Variants in SLC24A2 observed in about 807,000 individuals in gnomAD.
SLC24A2 encodes solute carrier family 24 member 2, also known as sodium/potassium/calcium exchanger 2.
SLC24A2 carries 36 observed loss-of-function variants against 62.0 expected under a neutral mutation model. That is an observed-to-expected ratio of 0.58 (90% CI 0.44 to 0.77). The LOEUF (loss-of-function observed/expected upper bound fraction) is 0.77. SLC24A2 is among the 30% of genes least tolerant of loss of function. The probability of loss-of-function intolerance (pLI) is 0.00; values close to 1 mark genes in which losing one functional copy is unlikely to be tolerated. For synonymous variants in SLC24A2, 358 were observed against 294.0 expected (o/e 1.22, Z -2.23); for missense variants, 846 against 817.9 (o/e 1.03, Z -0.42).
At chr9:20,237,578 G>A in the SLC24A2 span, among the ~76,000 whole-genome samples, 1 of 152,206 alleles carries the variant, frequency 6.6e-6, no homozygotes, top group African/African-American at 2.4e-5. Flanking sequence ...GAGCACACTG[G>A]CGTGCCATCT....
chr9:20,301,580 G>A, the SLC24A2 span, among the ~76,000 whole-genome samples: 1 of 149,742 alleles, frequency 6.7e-6, no homozygotes. Context: ...AGAAATTAAA[G>A]CCTTTTTTTT....
intron 2 of SLC24A2, among the ~76,000 whole-genome samples, chr9:19,677,587 A>G (rs1351904959): frequency 1.3e-5 from 2 of 152,218 alleles, no homozygotes; most frequent in African/African-American, 4.8e-5. Context: ...TTAAAGTTAA[A>G]AAGTTTTTCA....
intron 2 of SLC24A2, among the ~76,000 whole-genome samples, chr9:19,629,890 A>C (rs539459792): frequency 6.6e-5 from 10 of 152,306 alleles, no homozygotes; most frequent in African/African-American, 2.4e-4. Context: ...GTTTTGAATA[A>C]AGAAAATTCA....
the SLC24A2 span, among the ~76,000 whole-genome samples, chr9:19,971,953 C>A: frequency 6.6e-6 from 1 of 152,228 alleles, no homozygotes; most frequent in East Asian, 1.9e-4. Flanking sequence ...ATTAAGTGAC[C>A]TTTGTCCTTT....
chr9:20,099,799 A>C, the SLC24A2 span, among the ~76,000 whole-genome samples: 1 of 152,160 alleles, frequency 6.6e-6, no homozygotes, highest in Non-Finnish European at 1.5e-5. Context: ...AATAGCTGCA[A>C]TACATAAGGC....
At chr9:19,663,692 A>T (rs1217813098) in intron 2 of SLC24A2, among the ~76,000 whole-genome samples, 1 of 152,152 alleles carries the variant, frequency 6.6e-6, no homozygotes, top group Non-Finnish European at 1.5e-5. Flanking sequence ...TTTCTCCCTC[A>T]TTAAGTGCGT....
intron 2 of SLC24A2, among the ~76,000 whole-genome samples, chr9:19,748,954 G>C (rs1157763583): frequency 6.6e-6 from 1 of 151,690 alleles, no homozygotes; most frequent in East Asian, 1.9e-4. Flanking sequence ...GTACCAGATT[G>C]TGTAAGTTCC....
the SLC24A2 span, among the ~76,000 whole-genome samples, chr9:19,951,231 T>TGC: frequency 7.6e-6 from 1 of 130,874 alleles, no homozygotes; most frequent in Non-Finnish European, 1.6e-5. Context: ...TTAAGTTGTG[T>TGC]GTGTGTGTGT....
the SLC24A2 span, among the ~76,000 whole-genome samples, chr9:19,866,428 A>G: frequency 6.6e-6 from 1 of 152,200 alleles, no homozygotes; most frequent in Non-Finnish European, 1.5e-5. Context: ...TCTTCACAAT[A>G]GTAAAGATTT....
the SLC24A2 span, chr9:19,968,098 T>G: frequency 6.6e-6 from 1 of 152,192 alleles, no homozygotes; most frequent in Non-Finnish European, 1.5e-5. Context: ...TTTATCTACC[T>G]TATAGGGTTT....
chr9:20,049,642 C>G, the SLC24A2 span, among the ~76,000 whole-genome samples: 32 of 151,722 alleles, frequency 2.1e-4, no homozygotes, highest in Admixed American at 2.0e-3. Context: ...ACAAAGATGA[C>G]AAATATGTTA....
chr9:19,528,498 T>C (rs1352159207), intron 8 of SLC24A2, among the ~76,000 whole-genome samples: 1 of 152,200 alleles, frequency 6.6e-6, no homozygotes, highest in African/African-American at 2.4e-5. Flanking sequence ...CCCTCCTCCT[T>C]TTTCTTTCTT....
At chr9:19,832,406 A>C in the SLC24A2 span, among the ~76,000 whole-genome samples, 1 of 152,212 alleles carries the variant, frequency 6.6e-6, no homozygotes, top group Admixed American at 6.5e-5. Flanking sequence ...TTAGTAACGG[A>C]TTCTGTCAAA....
At position 19,553,771 on chromosome 9, in the gene SLC24A2, C is replaced by T. The variant is rs996448725; in HGVS notation, c.1348-3503G>A. Among the ~76,000 whole-genome samples the T allele has an allele frequency of 2.6e-4, 39 of 152,224 alleles. 1 individual carries two copies. Among genetic ancestry groups the T allele is most frequent in the Admixed American group, 6.5e-5 (1 of 15,280 alleles). On this transcript the variant is annotated intron_variant, in intron 7 of 10. Transcript: ENST00000341998. ...ACTGCATTTAATTCTAGGACTCCTG[C>T]TTTCAAGGAGTCTTGGATTTAAAAG... is the stretch of plus-strand genomic sequence containing the variant.
chr9:19,910,175 A>T, the SLC24A2 span, among the ~76,000 whole-genome samples: 1 of 152,046 alleles, frequency 6.6e-6, no homozygotes, highest in Non-Finnish European at 1.5e-5. Context: ...ATGCTGCCTG[A>T]TCTTCCTCCT....
At chr9:20,093,336 T>C in the SLC24A2 span, among the ~76,000 whole-genome samples, 1 of 152,084 alleles carries the variant, frequency 6.6e-6, no homozygotes, top group Non-Finnish European at 1.5e-5. Flanking sequence ...CCTCCCAAAG[T>C]GCTGGGATTA....
the SLC24A2 span, among the ~76,000 whole-genome samples, chr9:19,922,024 C>G: frequency 6.6e-6 from 1 of 152,156 alleles, no homozygotes; most frequent in Admixed American, 6.5e-5. Context: ...TAAAATGTAC[C>G]TTGATTCATC....
chr9:19,707,348 T>C (rs905391001), intron 2 of SLC24A2, among the ~76,000 whole-genome samples: 7 of 152,202 alleles, frequency 4.6e-5, no homozygotes, highest in African/African-American at 1.7e-4. Context: ...CTGGTACCAT[T>C]CCTTCTGAAA....
the SLC24A2 span, among the ~76,000 whole-genome samples, chr9:20,111,961 T>G: frequency 6.6e-6 from 1 of 152,272 alleles, no homozygotes; most frequent in South Asian, 2.1e-4. Context: ...CAGTGAACAT[T>G]TGGAAGAAAC....
Sources: gnomAD v4.1 joint callset for allele counts (sites outside exome capture counted in the v4.1 genomes callset) on GRCh38, gnomAD v4.1.1 for gene constraint, MANE v1.5 for transcripts, NCBI Gene and HGNC (gene_info 2026-07-23, HGNC 2026-07-21) for gene names.